GRIN1: variants seen among roughly 807,000 people sequenced by gnomAD.
GRIN1 encodes glutamate receptor ionotropic, NMDA 1.
Under a neutral mutation model 103.0 loss-of-function variants are expected in GRIN1, and 38 were observed. The ratio of observed to expected loss-of-function variants is 0.37; its 90% CI spans 0.28 to 0.48. GRIN1 has a LOEUF of 0.48. Ranked by LOEUF, GRIN1 falls within the 20% of genes least tolerant of loss-of-function variation. The probability of loss-of-function intolerance (pLI) is 0.98; values close to 1 mark genes in which losing one functional copy is unlikely to be tolerated. For synonymous variants in GRIN1, 544 were observed against 532.7 expected (o/e 1.02, Z -0.29); for missense variants, 577 against 1,288.9 (o/e 0.45, Z 8.46).
Position 137,144,676 on chromosome 9 carries a change from G to C in GRIN1, c.394-1050G>C, listed in dbSNP as rs1588691810. On this transcript the variant is annotated intron_variant, in intron 2 of 19. Coordinates refer to ENST00000371561, the MANE Select transcript of GRIN1 (RefSeq NM_007327.4). ...AAAAAAAGTGTCCCCAGGGTGGTGG[G>C]GACAGGGGTGGGAGACAGGAGGGGG... 2.0e-5 allele frequency among the ~76,000 whole-genome samples: 3 copies of C among 151,206 alleles called. No homozygotes were observed. In the South Asian group the frequency reaches 6.3e-4, roughly 32 times the overall value.
intron 3 of GRIN1, among the ~76,000 whole-genome samples, chr9:137,147,868 G>T (rs10870198): frequency 6.6e-6 from 1 of 151,992 alleles, no homozygotes; most frequent in African/African-American, 2.4e-5. Context: ...GGCTCCCTCC[G>T]AACGGTGGAC....
At chr9:137,154,488 C>T (rs1833105883) in intron 4 of GRIN1, among the ~76,000 whole-genome samples, 1 of 116,654 alleles carries the variant, frequency 8.6e-6, no homozygotes, top group Non-Finnish European at 1.6e-5. Flanking sequence ...GAGTCTCACT[C>T]TGTCACCCAG....
At chr9:137,155,666 C>T (rs147201478) in intron 4 of GRIN1, among the ~76,000 whole-genome samples, 1 of 152,332 alleles carries the variant, frequency 6.6e-6, no homozygotes, top group African/African-American at 2.4e-5. Context: ...GTCTGACAGA[C>T]GGGGGTGAGG....
At chr9:137,149,628 C>A (rs997498526) in intron 4 of GRIN1, among the ~76,000 whole-genome samples, 1 of 152,206 alleles carries the variant, frequency 6.6e-6, no homozygotes, top group African/African-American at 2.4e-5. Flanking sequence ...GGTCCGGTGC[C>A]ACAGAGCAAC....
At chr9:137,141,892 A>G in intron 1 of GRIN1, 121 bp from the exon 2 acceptor site, 1 of 1,055,636 alleles carries the variant, frequency 9.5e-7, no homozygotes, top group Non-Finnish European at 1.5e-6. Context: ...ATGTACCCGA[A>G]TCATGCCCCC....
rs201137721 is a variant in GRIN1, at chr9:137,167,928, A to C, written c.*401A>C. The C allele has an allele frequency of 8.2e-5, 102 of 1,246,420 alleles. No individual in the cohort carries two copies. Among genetic ancestry groups the C allele is most frequent in the Admixed American group, 2.1e-4 (11 of 52,656 alleles). The allele number at this position is 1,246,420 out of a possible 1,614,324, so 77.2% of individuals were successfully genotyped here. A position where few individuals can be genotyped will look rare whatever the true frequency, so the allele number is the denominator to read the frequency against. On this transcript the variant is annotated 3_prime_UTR_variant, in exon 20 of 20. Transcript: ENST00000371561. ...GCTCGGGAAGGCCTGAGGGAAGCCCACCCGCCCCAGAGACTGCCCACCCTG... is the reference window on the plus strand; with the variant it reads ...GCTCGGGAAGGCCTGAGGGAAGCCCCCCCGCCCCAGAGACTGCCCACCCTG...
chr9:137,149,959 A>G (rs967431333), intron 4 of GRIN1, among the ~76,000 whole-genome samples: 3 of 152,198 alleles, frequency 2.0e-5, no homozygotes, highest in Non-Finnish European at 4.4e-5. Context: ...ATGACCCTCT[A>G]GCACGGAGAC....
chr9:137,167,681 TTGGCCGGC>T lies in GRIN1; in HGVS notation c.*162_*169del. 6.4e-7 allele frequency: 1 copy of T among 1,558,990 alleles called. No homozygotes were observed. Among genetic ancestry groups the T allele is most frequent in the Non-Finnish European group, 8.7e-7 (1 of 1,154,182 alleles). On this transcript the variant is annotated 3_prime_UTR_variant, in exon 20 of 20. Coordinates refer to ENST00000371561, the MANE Select transcript of GRIN1 (RefSeq NM_007327.4). ...CAGGCTGCGCCTGCCCGCCCGCCGG[TTGGCCGGC>T]TGGCCGGTCCACCCCGTCCCGGCCC...
Position 137,139,570 on chromosome 9 carries a change from C to T in GRIN1, c.84C>T (p.Asn28=), listed in dbSNP as rs1440128775. The change falls in exon 1 of 20, where the codon AAC becomes AAT. Residue 28 remains asparagine (N), a synonymous_variant. Transcript: ENST00000371561. The surrounding 1 kb of genome is among the most constrained non-coding windows in gnomAD (Gnocchi z 7.7). ...ARAACDPKIV[N]IGAVLSTRKH... is the part of the protein sequence containing the mutation. ...CCGCGTGCGACCCCAAGATCGTCAA[C>T]ATTGGCGCGGTGCTGAGCACGCGGA... The T allele has an allele frequency of 6.2e-7, 1 of 1,613,284 alleles. No homozygotes were observed. The highest frequency in any genetic ancestry group is 8.5e-7 in the Non-Finnish European group (1 of 1,179,924).
chr9:137,161,208 G>C lies in GRIN1; in HGVS notation c.1339+11G>C, dbSNP rs774512613. On this transcript the variant is annotated intron_variant, in intron 9 of 19. Coordinates refer to ENST00000371561, the MANE Select transcript of GRIN1 (RefSeq NM_007327.4). ...CGTCGCCGGGCAGCCGTGAGTGCGC[G>C]GGGCAGGGCGCGGGGCGCGGGGCAG... 1.9e-6 allele frequency: 3 copies of C among 1,606,406 alleles called. No homozygotes were observed. The South Asian group carries it at 3.3e-5, about 18-fold the overall frequency.
chr9:137,154,038 C>A (rs1318097200), intron 4 of GRIN1, among the ~76,000 whole-genome samples: 1 of 151,226 alleles, frequency 6.6e-6, no homozygotes, highest in Admixed American at 6.6e-5. Flanking sequence ...TCTTGAACTC[C>A]TGACCTCAGG....
chr9:137,162,993 G>A lies in GRIN1; in HGVS notation c.2161G>A (p.Val721Met). ...GAGTGCGGCGGAGGCCATCCAGGCC[G>A]TGAGAGACAAGTGAGGCGCGGGCGG... ...YESAAEAIQA[V>M]RDNKLHAFIW... is the part of the protein sequence containing the mutation. Residue 721 changes from valine (V) to methionine (M), a missense_variant, in exon 15 of 20, where the codon GTG becomes ATG. Around this residue, in one of 9 missense-constraint regions of GRIN1, gnomAD observed 59 missense variants for 161.3 expected, o/e 0.37. Coordinates refer to ENST00000371561, the MANE Select transcript of GRIN1 (RefSeq NM_007327.4). The A allele has an allele frequency of 1.2e-6, 2 of 1,600,430 alleles. No individual in the cohort carries two copies. The highest frequency in any genetic ancestry group is 8.5e-7 in the Non-Finnish European group (1 of 1,174,768).
intron 8 of GRIN1, among the ~76,000 whole-genome samples, chr9:137,160,176 C>G (rs576794106): frequency 3.5e-4 from 53 of 152,318 alleles, no homozygotes; most frequent in African/African-American, 1.3e-3. Flanking sequence ...GAGAAAGGAG[C>G]CAGAGACCTA....
chr9:137,139,394 C>T lies in GRIN1; in HGVS notation c.-93C>T. 1.2e-6 allele frequency: 1 copy of T among 839,924 alleles called. No individual in the cohort carries two copies. The highest frequency in any genetic ancestry group is 1.6e-6 in the Non-Finnish European group (1 of 642,316). 52.0% of individuals were successfully genotyped at this position (839,924 alleles called of 1,614,324 possible). A position where few individuals can be genotyped will look rare whatever the true frequency, so the allele number is the denominator to read the frequency against. On this transcript the variant is annotated 5_prime_UTR_variant, in exon 1 of 20. Coordinates refer to ENST00000371561, the MANE Select transcript of GRIN1 (RefSeq NM_007327.4). This position sits in a 1 kb window ranked among gnomAD's most constrained non-coding sequence, Gnocchi z 7.7. ...ACGTGGCGTCCGCAGCCCGCGGGGCCGGGCGAGCGCAGGACGGCCCGGAAG... is the reference window on the plus strand; with the variant it reads ...ACGTGGCGTCCGCAGCCCGCGGGGCTGGGCGAGCGCAGGACGGCCCGGAAG...
At position 137,156,993 on chromosome 9, in the gene GRIN1, C is replaced by A; in HGVS notation, c.924C>A (p.Cys308Ter). 6.2e-7 allele frequency: 1 copy of A among 1,609,784 alleles called. No individual in the cohort carries two copies. Among genetic ancestry groups the A allele is most frequent in the Non-Finnish European group, 8.5e-7 (1 of 1,178,456 alleles). ...KENITDPPRG[C>*]VGNTNIWKTG... The stretch of plus-strand genomic sequence containing the variant: ...ACATCACCGACCCGCCGCGGGGCTG[C>A]GTGGGCAACACCAACATCTGGAAGA... The change falls in exon 6 of 20, where the codon TGC (cysteine) becomes TGA (stop). Residue 308 changes from cysteine to a stop codon, truncating the protein, a stop_gained. Transcript: ENST00000371561. LOFTEE classifies it high-confidence loss of function.
chr9:137,154,714 A>G (rs1007103207), intron 4 of GRIN1, among the ~76,000 whole-genome samples: 7 of 152,044 alleles, frequency 4.6e-5, no homozygotes, highest in Non-Finnish European at 8.8e-5. Flanking sequence ...GGCCTCCCAA[A>G]GTGCTGGGAT....
At position 137,145,836 on chromosome 9, in the gene GRIN1, C is replaced by T. The variant is rs761896024; in HGVS notation, c.504C>T (p.Ser168=). The change falls in exon 3 of 20, where the codon AGC becomes AGT. Residue 168 remains serine, a synonymous_variant. Transcript: ENST00000371561. ...YSWNHIILLV[S]DDHEGRAAQK... ...GGAACCACATCATCCTGCTGGTCAG[C>T]GACGACCACGAGGGCCGGGCGGCTC... 6 of 1,612,200 alleles carry T rather than the reference C, an allele frequency of 3.7e-6. No homozygotes were observed. Among genetic ancestry groups the T allele is most frequent in the East Asian group, 2.2e-5 (1 of 44,818 alleles).
At chr9:137,149,624 G>A (rs964104204) in intron 4 of GRIN1, among the ~76,000 whole-genome samples, 2 of 152,244 alleles carry the variant, frequency 1.3e-5, no homozygotes, top group African/African-American at 4.8e-5. Flanking sequence ...GACAGGTCCG[G>A]TGCCACAGAG....
chr9:137,140,333 T>C (rs1832099209), intron 1 of GRIN1, among the ~76,000 whole-genome samples: 1 of 152,190 alleles, frequency 6.6e-6, no homozygotes, highest in Non-Finnish European at 1.5e-5. Context: ...CCTGGGATTT[T>C]GCCTGTCGGA....
Sources: allele counts gnomAD v4.1 joint callset (sites outside exome capture counted in the v4.1 genomes callset), GRCh38; gene constraint gnomAD v4.1.1; regional missense constraint gnomAD v4.1.1; non-coding constraint Gnocchi (gnomAD v3.1); transcripts MANE v1.5; gene names NCBI Gene and HGNC (gene_info 2026-07-23, HGNC 2026-07-21).